The following EEF1G variants were observed in gnomAD, a reference collection of about 807,000 sequenced individuals.
EEF1G encodes eukaryotic translation elongation factor 1 gamma.
In EEF1G, 14 loss-of-function variants were observed where a neutral mutation model predicts 58.3. The observed-to-expected ratio is 0.24, with a 90% CI of 0.16 to 0.38. EEF1G has a LOEUF of 0.38. Among genes scored for constraint, EEF1G ranks in the 10% least tolerant of loss-of-function variants. The pLI is 1.00. For synonymous variants in EEF1G, 180 were observed against 206.8 expected (o/e 0.87, Z 1.11); for missense variants, 322 against 550.1 (o/e 0.59, Z 4.15).
intron 5 of EEF1G, among the ~76,000 whole-genome samples, chr11:62,569,698 T>G (rs1941603699): frequency 6.6e-6 from 1 of 152,138 alleles, no homozygotes; most frequent in Admixed American, 6.5e-5. Flanking sequence ...GCAGTCAGAG[T>G]GCTGGTTCCA....
At chr11:62,569,736 C>T (rs999636822) in intron 5 of EEF1G, among the ~76,000 whole-genome samples, 1 of 152,208 alleles carries the variant, frequency 6.6e-6, no homozygotes, top group Non-Finnish European at 1.5e-5. Flanking sequence ...TTCTACTCTA[C>T]CACTTAGTAG....
intron 5 of EEF1G, 72 bp from the exon 6 acceptor site, chr11:62,567,600 T>C (rs1365601841): frequency 1.4e-6 from 2 of 1,444,648 alleles, no homozygotes; most frequent in African/African-American, 1.4e-5. Flanking sequence ...GCAAGAGTCC[T>C]TGCTCTACCT....
chr11:62,569,562 A>G (rs957524523), intron 5 of EEF1G, among the ~76,000 whole-genome samples: 6 of 152,254 alleles, frequency 3.9e-5, no homozygotes, highest in Non-Finnish European at 7.3e-5. Flanking sequence ...AAAAATAAGA[A>G]TAAACAGCTT....
intron 1 of EEF1G, 30 bp downstream of exon 1, chr11:62,573,801 G>C (rs1375521699): frequency 1.5e-5 from 25 of 1,613,484 alleles, no homozygotes; most frequent in Non-Finnish European, 2.1e-5. Flanking sequence ...TGGATAGGAT[G>C]ACCCGAACCA....
At chr11:62,561,683 A>AAAAC (rs1565259885) in intron 7 of EEF1G, among the ~76,000 whole-genome samples, 19 of 6,908 alleles carry the variant, frequency 2.8e-3, no homozygotes, top group East Asian at 5.6e-3. Context: ...AAAAAAAAAC[A>AAAAC]AAAAAAAAAA....
At chr11:62,562,895 A>G (rs1321300745) in intron 7 of EEF1G, among the ~76,000 whole-genome samples, 1 of 152,108 alleles carries the variant, frequency 6.6e-6, no homozygotes, top group Non-Finnish European at 1.5e-5. Flanking sequence ...CATGCTGTTA[A>G]GAATTCTTTC....
At chr11:62,563,978 TCA>T (rs1346285388) in intron 7 of EEF1G, among the ~76,000 whole-genome samples, 1 of 152,016 alleles carries the variant, frequency 6.6e-6, no homozygotes, top group Admixed American at 6.5e-5. Flanking sequence ...TCTTGCTCAG[TCA>T]CCCAAGTGCA....
intron 7 of EEF1G, among the ~76,000 whole-genome samples, chr11:62,564,782 A>AAG (rs55778573): frequency 2.0e-4 from 28 of 141,920 alleles, no homozygotes; most frequent in South Asian, 4.6e-4. Context: ...AAAAAAAAAA[A>AAG]GGGGGCCAGG....
At chr11:62,561,622 A>C (rs1168281741) in intron 7 of EEF1G, among the ~76,000 whole-genome samples, 1 of 147,976 alleles carries the variant, frequency 6.8e-6, no homozygotes, top group Non-Finnish European at 1.5e-5. Context: ...GTGAGCCGAA[A>C]TTGCACTCCA....
At position 62,572,728 on chromosome 11, in the gene EEF1G, A is replaced by G; in HGVS notation, c.27T>C (p.Tyr9=). MAAGTLYT[Y]PENWRAFKAL... Reference sequence around the variant, plus strand: ...CCTTGAAGGCCCTCCAGTTTTCAGGATACGTGTACAGGGTCTATGGGAGAA... The same window carrying G: ...CCTTGAAGGCCCTCCAGTTTTCAGGGTACGTGTACAGGGTCTATGGGAGAA... The change falls in exon 2 of 10, where the codon TAT becomes TAC. Residue 9 remains tyrosine (Y), a synonymous_variant. Transcript: ENST00000329251. 1 of 1,613,488 alleles carries G rather than the reference A, an allele frequency of 6.2e-7. No homozygotes were observed. The highest frequency in any genetic ancestry group is 8.5e-7 in the Non-Finnish European group (1 of 1,179,630).
rs1467091858 is a variant in EEF1G, at chr11:62,559,777, T to C, written c.1216A>G (p.Ser406Gly). 6.2e-7 allele frequency: 1 copy of C among 1,613,988 alleles called. No homozygotes were observed. Reference protein sequence around the residue: ...SYTWRKLDPGSEETQTLVREY... With the variant: ...SYTWRKLDPGGEETQTLVREY... Reference sequence around the variant, plus strand: ...CGAACCAGCGTCTGGGTCTCCTCGCTGCCAGGATCCAGTTTCCGCCATGTG... The same window carrying C: ...CGAACCAGCGTCTGGGTCTCCTCGCCGCCAGGATCCAGTTTCCGCCATGTG... Residue 406 changes from serine (S) to glycine (G), a missense_variant, in exon 10 of 10, where the codon AGC becomes GGC. Transcript: ENST00000329251.
intron 2 of EEF1G, 68 bp downstream of exon 2, chr11:62,572,516 C>A (rs562040486): frequency 3.1e-6 from 5 of 1,590,372 alleles, no homozygotes; most frequent in African/African-American, 1.3e-5. Flanking sequence ...GGGGCCACCA[C>A]CAGAGTGACA....
At position 62,567,400 on chromosome 11, in the gene EEF1G, A is replaced by G. The variant is rs377238340; in HGVS notation, c.651T>C (p.Asp217=). The G allele has an allele frequency of 7.3e-5, 117 of 1,610,812 alleles. No individual in the cohort carries two copies. The African/African-American group carries it at 1.0e-3, about 14-fold the overall frequency. ...VKLCEKMAQF[D]AKKFAETQPK... ...GCCTCCCAGTCTCCTCAGACTCACCATCAAACTGGGCCATCTTCTCACACA... is the reference window on the plus strand; with the variant it reads ...GCCTCCCAGTCTCCTCAGACTCACCGTCAAACTGGGCCATCTTCTCACACA... The change falls in exon 6 of 10, where the codon GAT becomes GAC. Residue 217 remains aspartate, a splice_region_variant and synonymous_variant. Transcript: ENST00000329251.
In EEF1G at chr11:62,564,602, A is replaced by C. The variant is rs1419749630; in HGVS notation, c.857+2204T>G. 2.6e-5 allele frequency among the ~76,000 whole-genome samples: 4 copies of C among 151,682 alleles called. No homozygotes were observed. In the East Asian group the frequency reaches 5.8e-4, roughly 22 times the overall value. Reference sequence around the variant, plus strand: ...ATGGTGAAACCCTGTCTCTGCTAAAAATACAAAAAATTAGCTGGGCATGGT... The same window carrying C: ...ATGGTGAAACCCTGTCTCTGCTAAACATACAAAAAATTAGCTGGGCATGGT... On this transcript the variant is annotated intron_variant, in intron 7 of 9. Transcript: ENST00000329251.
chr11:62,567,325 G>A (rs1000451807), intron 6 of EEF1G, 74 bp downstream of exon 6: 2 of 1,510,630 alleles, frequency 1.3e-6, no homozygotes, highest in African/African-American at 1.4e-5. Flanking sequence ...AGCAAGACAG[G>A]AAATCAAGGG....
At chr11:62,560,574 G>T in intron 7 of EEF1G, 120 bp from the exon 8 acceptor site, 1 of 1,120,956 alleles carries the variant, frequency 8.9e-7, no homozygotes. Flanking sequence ...TGTGCTGGCA[G>T]ATGTGTATGA....
chr11:62,568,973 C>CG (rs1555043656), intron 5 of EEF1G, among the ~76,000 whole-genome samples: 1 of 132,664 alleles, frequency 7.5e-6, no homozygotes, highest in Non-Finnish European at 1.6e-5. Flanking sequence ...GACTTCGTCT[C>CG]AAAAAAAAAA....
At position 62,573,813 on chromosome 11, in the gene EEF1G, C is replaced by T; in HGVS notation, c.12+18G>A. ...CGGTGGATAGGATGACCCGAACCAC[C>T]AGAGCCAGCAAACTTACCCCAGCCG... On this transcript the variant is annotated intron_variant, in intron 1 of 9. Coordinates refer to ENST00000329251, the MANE Select transcript of EEF1G (RefSeq NM_001404.5). 6.2e-7 allele frequency: 1 copy of T among 1,613,630 alleles called. No individual in the cohort carries two copies. Among genetic ancestry groups the T allele is most frequent in the Non-Finnish European group, 8.5e-7 (1 of 1,179,792 alleles).
At chr11:62,569,464 ACT>A (rs995012234) in intron 5 of EEF1G, among the ~76,000 whole-genome samples, 2 of 152,156 alleles carry the variant, frequency 1.3e-5, no homozygotes, top group East Asian at 1.9e-4. Context: ...ACAGAGCAAG[ACT>A]CTGTCAAAAT....
Sources: allele counts gnomAD v4.1 joint callset (sites outside exome capture counted in the v4.1 genomes callset), GRCh38; gene constraint gnomAD v4.1.1; transcripts MANE v1.5; gene names NCBI Gene and HGNC (gene_info 2026-07-23, HGNC 2026-07-21).